CCDC178: variants seen among roughly 807,000 people sequenced by gnomAD.
CCDC178 encodes coiled-coil domain containing 178.
A neutral mutation model predicts 117.4 loss-of-function variants in CCDC178; 126 were observed. The ratio of observed to expected loss-of-function variants is 1.07; its 90% confidence interval spans 0.93 to 1.24. CCDC178 has a LOEUF of 1.24. CCDC178 is among the 50% of genes most tolerant of loss of function. The pLI is 0.00. For synonymous variants in CCDC178, 283 were observed against 313.4 expected, an observed-to-expected ratio of 0.90 and a Z score of 1.02; for missense variants, 1,030 against 986.9, an observed-to-expected ratio of 1.04 and a Z score of -0.59.
intron 20 of CCDC178, among the ~76,000 whole-genome samples, chr18:33,103,914 T>C (rs1186077468): frequency 1.3e-5 from 2 of 151,734 alleles, no homozygotes; most frequent in Non-Finnish European, 2.9e-5. Context: ...TCTACAGTGA[T>C]GAGAAGAAAT....
intron 21 of CCDC178, among the ~76,000 whole-genome samples, chr18:33,009,579 A>G (rs1337310649): frequency 6.6e-6 from 1 of 152,108 alleles, no homozygotes; most frequent in African/African-American, 2.4e-5. Flanking sequence ...TTCTCAGCTA[A>G]TACTTCTCTT....
intron 3 of CCDC178, among the ~76,000 whole-genome samples, chr18:33,398,452 T>C (rs540977184): frequency 3.4e-4 from 52 of 152,304 alleles, no homozygotes; most frequent in African/African-American, 1.2e-3. Context: ...GAAATCATCA[T>C]ATGAAATGCA....
At chr18:33,431,855 G>T (rs2064224030) in intron 2 of CCDC178, among the ~76,000 whole-genome samples, 1 of 152,112 alleles carries the variant, frequency 6.6e-6, no homozygotes, top group Non-Finnish European at 1.5e-5. Context: ...AAAGGTTTTT[G>T]GCCTGGAGAA....
At chr18:33,295,907 C>T (rs1568124752) in intron 11 of CCDC178, among the ~76,000 whole-genome samples, 1 of 152,112 alleles carries the variant, frequency 6.6e-6, no homozygotes, top group East Asian at 1.9e-4. Context: ...AGTCAACGTA[C>T]ATCCCAAAAA....
At chr18:33,411,922 T>G in intron 3 of CCDC178, 109 bp downstream of exon 3, 1 of 548,352 alleles carries the variant, frequency 1.8e-6, no homozygotes. Flanking sequence ...TTTGTGACCA[T>G]TATCTTGGAA....
At chr18:33,025,032 C>A (rs1272676067) in intron 21 of CCDC178, among the ~76,000 whole-genome samples, 2 of 152,058 alleles carry the variant, frequency 1.3e-5, no homozygotes, top group Admixed American at 6.6e-5. Flanking sequence ...TAACTGCAGA[C>A]CAATACATCC....
chr18:33,320,160 T>G (rs1156267009), intron 11 of CCDC178, among the ~76,000 whole-genome samples: 6 of 152,166 alleles, frequency 3.9e-5, no homozygotes, highest in Non-Finnish European at 7.3e-5. Flanking sequence ...AAAACTGGAC[T>G]CATTGCCTTT....
intron 18 of CCDC178, among the ~76,000 whole-genome samples, chr18:33,219,486 T>C (rs1459696300): frequency 6.6e-6 from 1 of 152,166 alleles, no homozygotes; most frequent in African/African-American, 2.4e-5. Flanking sequence ...CGTATGTTTA[T>C]TGCGGCACTA....
At chr18:32,971,549 T>C (rs922695942) in intron 22 of CCDC178, among the ~76,000 whole-genome samples, 1 of 152,170 alleles carries the variant, frequency 6.6e-6, no homozygotes, top group Non-Finnish European at 1.5e-5. Context: ...AGTAATGGGA[T>C]TGCTGGGTCA....
chr18:33,239,951 A>G (rs558054271), intron 15 of CCDC178, among the ~76,000 whole-genome samples: 1 of 152,124 alleles, frequency 6.6e-6, no homozygotes, highest in South Asian at 2.1e-4. Context: ...TCATCAGCAC[A>G]TGAAATATTC....
chr18:33,331,384 T>C (rs1463574707), intron 10 of CCDC178, among the ~76,000 whole-genome samples: 1 of 152,066 alleles, frequency 6.6e-6, no homozygotes, highest in Non-Finnish European at 1.5e-5. Flanking sequence ...TCCTGAGTTG[T>C]GGCTTCCATC....
At chr18:33,320,149 A>G (rs2062484887) in intron 11 of CCDC178, among the ~76,000 whole-genome samples, 4 of 152,202 alleles carry the variant, frequency 2.6e-5, no homozygotes, top group Admixed American at 2.6e-4. Context: ...CTGAATGGCC[A>G]AAAACTGGAC....
At chr18:33,119,361 A>G (rs911236160) in intron 20 of CCDC178, among the ~76,000 whole-genome samples, 4 of 152,218 alleles carry the variant, frequency 2.6e-5, no homozygotes, top group Non-Finnish European at 5.9e-5. Context: ...AACCCCATCA[A>G]AAAGTGGGCG....
At chr18:33,196,938 G>A (rs2058937796) in intron 20 of CCDC178, among the ~76,000 whole-genome samples, 1 of 152,144 alleles carries the variant, frequency 6.6e-6, no homozygotes, top group Non-Finnish European at 1.5e-5. Flanking sequence ...CTTGCATTCT[G>A]TCTACCTTTT....
chr18:33,337,396 A>C (rs917679743), intron 9 of CCDC178, among the ~76,000 whole-genome samples: 5 of 152,108 alleles, frequency 3.3e-5, no homozygotes, highest in African/African-American at 1.2e-4. Flanking sequence ...GATACCCTTT[A>C]TTTCTTTCTC....
At chr18:33,039,804 G>A (rs1337103003) in intron 21 of CCDC178, among the ~76,000 whole-genome samples, 1 of 151,860 alleles carries the variant, frequency 6.6e-6, no homozygotes, top group Admixed American at 6.6e-5. Flanking sequence ...AAAAATTTAG[G>A]CACTAAGTAT....
At chr18:33,414,134 C>T (rs1053679062) in intron 2 of CCDC178, among the ~76,000 whole-genome samples, 3 of 151,982 alleles carry the variant, frequency 2.0e-5, no homozygotes, top group Admixed American at 6.6e-5. Flanking sequence ...CTTTATAAAT[C>T]GATCATGTTT....
At chr18:33,029,710 A>C (rs1220700107) in intron 21 of CCDC178, among the ~76,000 whole-genome samples, 1 of 151,806 alleles carries the variant, frequency 6.6e-6, no homozygotes, top group Non-Finnish European at 1.5e-5. Context: ...CATTTATTTC[A>C]ATGTATTTTC....
At chr18:33,193,764 G>A (rs182799906) in intron 20 of CCDC178, among the ~76,000 whole-genome samples, 2 of 152,212 alleles carry the variant, frequency 1.3e-5, no homozygotes, top group East Asian at 1.9e-4. Context: ...TTTACAGAGC[G>A]GAGTATATTC....
Sources: allele counts gnomAD v4.1 joint callset (sites outside exome capture counted in the v4.1 genomes callset), GRCh38; gene constraint gnomAD v4.1.1; transcripts MANE v1.5; gene names NCBI Gene and HGNC (gene_info 2026-07-23, HGNC 2026-07-21).